PGM3: variants seen among roughly 807,000 people sequenced by gnomAD.
The protein encoded by PGM3 is phosphoacetylglucosamine mutase.
PGM3 carries 40 observed loss-of-function variants against 66.2 expected under a neutral mutation model. The ratio of observed to expected loss-of-function variants is 0.60; its 90% CI spans 0.47 to 0.79. The LOEUF is 0.79. Among genes scored for constraint, PGM3 ranks in the 30% least tolerant of loss-of-function variants. The probability of loss-of-function intolerance (pLI) is 0.00; values close to 1 mark genes in which losing one functional copy is unlikely to be tolerated. For missense variants in PGM3, 537 were observed against 643.4 expected, an observed-to-expected ratio of 0.83 and a Z score of 1.79; for synonymous variants, 191 against 224.2, an observed-to-expected ratio of 0.85 and a Z score of 1.32.
At chr6:83,189,356 A>G (rs1449688830) in intron 2 of PGM3, among the ~76,000 whole-genome samples, 1 of 152,230 alleles carries the variant, frequency 6.6e-6, no homozygotes, top group Admixed American at 6.5e-5. Context: ...AAATTCGTGG[A>G]AAGAAAGTGT....
chr6:83,183,654 T>C (rs1788357509), intron 4 of PGM3, among the ~76,000 whole-genome samples: 1 of 152,150 alleles, frequency 6.6e-6, no homozygotes, highest in African/African-American at 2.4e-5. Flanking sequence ...TGAAGAGCTG[T>C]TACCAAGCAC....
chr6:83,183,212 A>G (rs769780419), intron 4 of PGM3, among the ~76,000 whole-genome samples: 14 of 152,226 alleles, frequency 9.2e-5, no homozygotes, highest in Admixed American at 4.6e-4. Context: ...CAGACAAGTA[A>G]TAATTGAGTT....
downstream of PGM3, chr6:83,157,218 C>T: frequency 6.2e-7 from 1 of 1,613,960 alleles, no homozygotes; most frequent in Non-Finnish European, 8.5e-7. Context: ...CCACAGGTGC[C>T]AACTCTCCAT....
intron 7 of PGM3, 31 bp from the exon 8 acceptor site, chr6:83,178,787 A>G (rs1363424550): frequency 8.3e-7 from 1 of 1,203,118 alleles, no homozygotes; most frequent in East Asian, 2.3e-5. Context: ...TTAACTTGCC[A>G]TCAAAAGTAT....
the PGM3 span, chr6:83,154,010 G>C: frequency 1.2e-6 from 2 of 1,614,036 alleles, no homozygotes; most frequent in East Asian, 4.5e-5. Context: ...ATGGATCCCA[G>C]TTTCTTTCAG....
Position 83,168,844 on chromosome 6 carries a change from A to C in PGM3, c.*390T>G. 1 of 1,036,772 alleles carries C rather than the reference A, an allele frequency of 9.6e-7. No homozygotes were observed. The highest frequency in any genetic ancestry group is 1.2e-6 in the Non-Finnish European group (1 of 860,052). 64.2% of individuals were successfully genotyped at this position (1,036,772 alleles called of 1,614,324 possible). ...CTCTGCCCTCTCCATTTGTATCAGC[A>C]ATGGGGAATGCTGCAAAACATCATC... is the stretch of plus-strand genomic sequence containing the variant. On this transcript the variant is annotated 3_prime_UTR_variant, in exon 13 of 13. Coordinates refer to ENST00000513973, the MANE Select transcript of PGM3 (RefSeq NM_015599.3).
Position 83,166,789 on chromosome 6 carries a change from A to G in PGM3, c.*2445T>C. 1 of 1,049,130 alleles carries G rather than the reference A, an allele frequency of 9.5e-7. No individual in the cohort carries two copies. The highest frequency in any genetic ancestry group is 7.5e-5 in the East Asian group (1 of 13,320). The allele number at this position is 1,049,130 out of a possible 1,614,324, so 65.0% of individuals were successfully genotyped here. On this transcript the variant is annotated 3_prime_UTR_variant, in exon 13 of 13. Transcript: ENST00000513973. ...CATCTGCTTGACCCACTAGGAAACTAGTGATATTAAATTATTAGGTAAACA... is the reference window on the plus strand; with the variant it reads ...CATCTGCTTGACCCACTAGGAAACTGGTGATATTAAATTATTAGGTAAACA...
chr6:83,160,313 C>T (rs1029781540), downstream of PGM3, among the ~76,000 whole-genome samples: 1 of 152,164 alleles, frequency 6.6e-6, no homozygotes, highest in East Asian at 1.9e-4. Flanking sequence ...TCAGAGCAGG[C>T]CCTGAGGGCA....
At chr6:83,184,477 C>G (rs996550941) in intron 4 of PGM3, among the ~76,000 whole-genome samples, 7 of 152,156 alleles carry the variant, frequency 4.6e-5, no homozygotes, top group African/African-American at 1.7e-4. Context: ...GAAGTGTTTA[C>G]TAGAGGAACC....
In PGM3 at chr6:83,171,980, TC is replaced by T; in HGVS notation, c.1321del (p.Asp441MetfsTer45). ...ALKGLTVQQW[D>X]ALYTDLPNRQ... ...GTTTGGAAGATCTGTATAGAGAGCA[TC>T]CCACTGTTGTACAGTCAAGCCCTTC... On this transcript the variant is annotated frameshift_variant, in exon 11 of 13. Coordinates refer to ENST00000513973, the MANE Select transcript of PGM3 (RefSeq NM_015599.3). LOFTEE classifies it high-confidence loss of function. 3.1e-6 allele frequency: 5 copies of T among 1,613,266 alleles called. No homozygotes were observed.
chr6:83,149,889 A>G, the PGM3 span, among the ~76,000 whole-genome samples: 1 of 152,122 alleles, frequency 6.6e-6, no homozygotes, highest in Non-Finnish European at 1.5e-5. Context: ...ACCTACAGAG[A>G]GGTTAAGGAA....
chr6:83,168,418 A>G lies in PGM3; in HGVS notation c.*816T>C. Reference sequence around the variant, plus strand: ...TACACATGTAAAGTCCATTGTTTTTATTGTCCTGAGTTGTCTTAAACCTGC... The same window carrying G: ...TACACATGTAAAGTCCATTGTTTTTGTTGTCCTGAGTTGTCTTAAACCTGC... On this transcript the variant is annotated 3_prime_UTR_variant, in exon 13 of 13. Coordinates refer to ENST00000513973, the MANE Select transcript of PGM3 (RefSeq NM_015599.3). 1 of 1,194,754 alleles carries G rather than the reference A, an allele frequency of 8.4e-7. No homozygotes were observed. Among genetic ancestry groups the G allele is most frequent in the East Asian group, 4.2e-5 (1 of 24,068 alleles). 74.0% of individuals were successfully genotyped at this position (1,194,754 alleles called of 1,614,324 possible). A position where few individuals can be genotyped will look rare whatever the true frequency, so the allele number is the denominator to read the frequency against.
intron 4 of PGM3, among the ~76,000 whole-genome samples, chr6:83,185,674 G>C (rs1274152945): frequency 6.6e-6 from 1 of 152,060 alleles, no homozygotes; most frequent in Non-Finnish European, 1.5e-5. Flanking sequence ...CAGGAGAATC[G>C]CTTGAACCAG....
At position 83,179,881 on chromosome 6, in the gene PGM3, G is replaced by A; in HGVS notation, c.874C>T (p.His292Tyr). The A allele has an allele frequency of 6.2e-7, 1 of 1,612,542 alleles. No homozygotes were observed. The highest frequency in any genetic ancestry group is 1.1e-5 in the South Asian group (1 of 90,950). Reference sequence around the variant, plus strand: ...TTGTCTCCATCTATGAGATGAAAGTGGCCATCTGCATCATGGTAGTAATAA... The same window carrying A: ...TTGTCTCCATCTATGAGATGAAAGTAGCCATCTGCATCATGGTAGTAATAA... ...IVYYYHDADG[H>Y]FHLIDGDKIA... The change falls in exon 7 of 13, where the codon CAC becomes TAC. Residue 292 changes from histidine (H) to tyrosine (Y), a missense_variant. Coordinates refer to ENST00000513973, the MANE Select transcript of PGM3 (RefSeq NM_015599.3).
chr6:83,156,019 A>G, the PGM3 span: 2 of 1,614,134 alleles, frequency 1.2e-6, no homozygotes, highest in Non-Finnish European at 1.7e-6. Context: ...GCTAGAACAG[A>G]GAGCTATGCT....
chr6:83,163,767 T>C (rs1342924558), downstream of PGM3, among the ~76,000 whole-genome samples: 1 of 152,142 alleles, frequency 6.6e-6, no homozygotes, highest in Non-Finnish European at 1.5e-5. Flanking sequence ...AAAACAGTGC[T>C]CAGAGTTAAA....
intron 7 of PGM3, among the ~76,000 whole-genome samples, chr6:83,179,113 C>A (rs1206212775): frequency 6.6e-6 from 1 of 151,994 alleles, no homozygotes; most frequent in Non-Finnish European, 1.5e-5. Flanking sequence ...AAGTTCGAGA[C>A]CAGCCTGGCC....
downstream of PGM3, chr6:83,164,763 G>C: frequency 6.6e-7 from 1 of 1,519,226 alleles, no homozygotes; most frequent in Non-Finnish European, 8.9e-7. Flanking sequence ...AGCAAAAGTT[G>C]CCAAATATTG....
At chr6:83,183,706 G>A (rs551489664) in intron 4 of PGM3, among the ~76,000 whole-genome samples, 1 of 152,160 alleles carries the variant, frequency 6.6e-6, no homozygotes, top group South Asian at 2.1e-4. Flanking sequence ...CATAACCACA[G>A]GAGTCCAAAG....
Sources: allele counts gnomAD v4.1 joint callset (sites outside exome capture counted in the v4.1 genomes callset), GRCh38; gene constraint gnomAD v4.1.1; transcripts MANE v1.5; gene names NCBI Gene and HGNC (gene_info 2026-07-23, HGNC 2026-07-21).